Variants in ACSM3 observed in about 807,000 individuals in gnomAD.
ACSM3 encodes acyl-CoA synthetase medium chain family member 3.
Under a neutral mutation model 74.1 loss-of-function variants are expected in ACSM3, and 61 were observed. The observed-to-expected ratio is 0.82, with a 90% CI of 0.67 to 1.02. ACSM3 has a LOEUF of 1.02. Ranked by LOEUF, ACSM3 falls within the 50% of genes least tolerant of loss-of-function variation. The probability of loss-of-function intolerance (pLI) is 0.00; values close to 1 mark genes in which losing one functional copy is unlikely to be tolerated. For synonymous variants in ACSM3, 213 were observed against 241.5 expected, an observed-to-expected ratio of 0.88 and a Z score of 1.09; for missense variants, 660 against 697.0, an observed-to-expected ratio of 0.95 and a Z score of 0.60.
At chr16:20,745,790 G>A (rs149968767) in intron 1 of ACSM3, among the ~76,000 whole-genome samples, 2 of 152,238 alleles carry the variant, frequency 1.3e-5, no homozygotes, top group African/African-American at 4.8e-5. Context: ...AACCTTCAAA[G>A]TTACTGTCCC....
At chr16:20,742,581 TG>T (rs1423958621) in intron 1 of ACSM3, among the ~76,000 whole-genome samples, 1 of 150,012 alleles carries the variant, frequency 6.7e-6, no homozygotes, top group Non-Finnish European at 1.5e-5. Flanking sequence ...AAGCGGCGGT[TG>T]CAGTAAGCCG....
At chr16:20,771,116 C>T (rs979610120) in intron 2 of ACSM3, among the ~76,000 whole-genome samples, 1 of 152,174 alleles carries the variant, frequency 6.6e-6, no homozygotes, top group East Asian at 1.9e-4. Flanking sequence ...GGCTGGAGTG[C>T]GGTGGTGTGA....
chr16:20,737,289 G>GT lies in ACSM3; in HGVS notation c.-189-12620dup, dbSNP rs776077401. 1.9e-6 allele frequency: 3 copies of GT among 1,599,596 alleles called. No homozygotes were observed. The African/African-American group carries it at 4.0e-5, about 22-fold the overall frequency. The stretch of plus-strand genomic sequence containing the variant: ...TGAATTGAGGGTGCACACTATTCCT[G>GT]TAACAAAAACAGAAAAACACATAGC... On this transcript the variant is annotated intron_variant, in intron 1 of 3. Coordinates refer to the ACSM3 transcript ENST00000561584.
In ACSM3 at chr16:20,741,543, T is replaced by C. The variant is rs138029334; in HGVS notation, c.-189-8367T>C. The C allele has an allele frequency of 3.2e-4, 432 of 1,339,852 alleles. 2 individuals carry two copies. Among genetic ancestry groups the C allele is most frequent in the Non-Finnish European group, 4.0e-4 (403 of 1,012,036 alleles). The allele number at this position is 1,339,852 out of a possible 1,614,324, so 83.0% of individuals were successfully genotyped here. A position where few individuals can be genotyped will look rare whatever the true frequency, so the allele number is the denominator to read the frequency against. On this transcript the variant is annotated intron_variant, in intron 1 of 3. Coordinates refer to the ACSM3 transcript ENST00000561584. ...CCCATACATGTCGTCGCCGTATTCG[T>C]TGAGGAGGCTGTAGGCCTCCTCCAC... is the stretch of plus-strand genomic sequence containing the variant.
chr16:20,741,201 C>G (rs959185349), intron 1 of ACSM3, among the ~76,000 whole-genome samples: 8 of 152,162 alleles, frequency 5.3e-5, no homozygotes, highest in Non-Finnish European at 1.2e-4. Flanking sequence ...GCTATCATCA[C>G]GCCACTGCAC....
At chr16:20,758,182 A>G (rs2080047273) in intron 3 of ACSM3, among the ~76,000 whole-genome samples, 1 of 151,974 alleles carries the variant, frequency 6.6e-6, no homozygotes, top group Non-Finnish European at 1.5e-5. Flanking sequence ...CTCTTTTTCT[A>G]TTGTTGGAAT....
At chr16:20,738,319 A>G in intron 1 of ACSM3, 1 of 416,342 alleles carries the variant, frequency 2.4e-6, no homozygotes, top group South Asian at 1.8e-5. Flanking sequence ...ACAAAAAAAA[A>G]AAAAAAAAAT....
At chr16:20,685,204 C>G (rs769415099) in intron 1 of ACSM3, 1 of 1,614,184 alleles carries the variant, frequency 6.2e-7, no homozygotes, top group African/African-American at 1.3e-5. Flanking sequence ...TGTTCGCATG[C>G]AGCCCACAGC....
At chr16:20,684,520 G>C (rs568691951) in intron 1 of ACSM3, among the ~76,000 whole-genome samples, 13 of 152,302 alleles carry the variant, frequency 8.5e-5, no homozygotes, top group Admixed American at 3.3e-4. Flanking sequence ...CCTGCCTAAC[G>C]TGTCTAATCT....
intron 1 of ACSM3, chr16:20,741,481 G>GCA: frequency 3.1e-6 from 4 of 1,308,412 alleles, no homozygotes; most frequent in Admixed American, 3.7e-5. Context: ...CTGGCAGCCG[G>GCA]CCCGCCCGCC....
At chr16:20,767,610 A>C (rs2080142206) in intron 1 of ACSM3, among the ~76,000 whole-genome samples, 1 of 151,794 alleles carries the variant, frequency 6.6e-6, no homozygotes, top group Admixed American at 6.6e-5. Flanking sequence ...TGTTAGACTT[A>C]AGGTCTTAAC....
intron 1 of ACSM3, among the ~76,000 whole-genome samples, chr16:20,686,522 C>T (rs1020408806): frequency 1.3e-5 from 2 of 152,106 alleles, no homozygotes; most frequent in East Asian, 3.8e-4. Flanking sequence ...CTAATGCATG[C>T]GGGGTTTAAA....
chr16:20,697,556 TACACACACACAC>T (rs57633278), intron 1 of ACSM3: 11,020 of 139,536 alleles, frequency 0.079, 537 homozygotes, highest in Non-Finnish European at 0.11. Flanking sequence ...AAAATTGGAT[TACACACACACAC>T]ACACACACAC....
At chr16:20,700,058 T>A (rs1486401897) in intron 1 of ACSM3, among the ~76,000 whole-genome samples, 2 of 152,166 alleles carry the variant, frequency 1.3e-5, no homozygotes, top group African/African-American at 4.8e-5. Context: ...CCTGATTCAA[T>A]GCTCCTGGAA....
chr16:20,691,187 A>G lies in ACSM3; in HGVS notation c.-190+16365A>G, dbSNP rs141778048. The G allele has an allele frequency of 1.4e-5, 22 of 1,576,314 alleles. No homozygotes were observed. The African/African-American group carries it at 2.3e-4, about 17-fold the overall frequency. ...GGTCCGGAACCTCATTAGCCACTGC[A>G]TGGTGAAACAGTCCTCAGAAACCAG... On this transcript the variant is annotated intron_variant, in intron 1 of 3. Coordinates refer to the ACSM3 transcript ENST00000561584.
Position 20,764,109 on chromosome 16 carries a change from T to C in ACSM3, c.-68T>C, listed in dbSNP as rs1215270592. ...AAGTCTGCCATAATCTCCATCTGTG[T>C]TGGAATCTGTTAACTAGTGAGTACC... On this transcript the variant is annotated 5_prime_UTR_variant, in exon 1 of 14. Coordinates refer to ENST00000289416, the MANE Select transcript of ACSM3 (RefSeq NM_005622.4). 1 of 152,234 alleles carries C rather than the reference T, an allele frequency of 6.6e-6. No individual in the cohort carries two copies. The highest frequency in any genetic ancestry group is 1.5e-5 in the Non-Finnish European group (1 of 68,044). 9.4% of individuals were successfully genotyped at this position (152,234 alleles called of 1,614,324 possible). A position where few individuals can be genotyped will look rare whatever the true frequency, so the allele number is the denominator to read the frequency against.
intron 1 of ACSM3, among the ~76,000 whole-genome samples, chr16:20,713,742 CAT>C (rs1171733361): frequency 6.6e-6 from 1 of 152,054 alleles, no homozygotes; most frequent in African/African-American, 2.4e-5. Flanking sequence ...TAATTAAACT[CAT>C]GTGGATCTCA....
At chr16:20,694,198 G>A (rs930141992) in intron 1 of ACSM3, among the ~76,000 whole-genome samples, 10 of 152,124 alleles carry the variant, frequency 6.6e-5, no homozygotes, top group African/African-American at 1.7e-4. Flanking sequence ...CTAGCCAATC[G>A]GGACAAATAC....
intron 9 of ACSM3, among the ~76,000 whole-genome samples, chr16:20,787,203 A>G (rs1227522229): frequency 6.6e-6 from 1 of 152,250 alleles, no homozygotes; most frequent in Non-Finnish European, 1.5e-5. Flanking sequence ...ATAAGTCATC[A>G]TAAGTTGAAA....
Sources: allele counts gnomAD v4.1 joint callset (sites outside exome capture counted in the v4.1 genomes callset), GRCh38; gene constraint gnomAD v4.1.1; transcripts MANE v1.5; gene names NCBI Gene and HGNC (gene_info 2026-07-23, HGNC 2026-07-21).